The following PCDHA2 variants were observed in gnomAD, a reference collection of about 807,000 sequenced individuals.
The protein encoded by PCDHA2 is protocadherin alpha-2.
A neutral mutation model predicts 66.0 loss-of-function variants in PCDHA2; 58 were observed. The ratio of observed to expected loss-of-function variants is 0.88; its 90% CI spans 0.71 to 1.09. PCDHA2 has a LOEUF of 1.09. Ranked by LOEUF, PCDHA2 falls within the 50% of genes least tolerant of loss-of-function variation. PCDHA2 has a pLI of 0.00. For synonymous variants in PCDHA2, 634 were observed against 554.0 expected, an observed-to-expected ratio of 1.14 and a Z score of -2.03; for missense variants, 1,267 against 1,242.3, an observed-to-expected ratio of 1.02 and a Z score of -0.30.
intron 1 of PCDHA2, chr5:140,857,885 G>A: frequency 6.3e-7 from 1 of 1,597,988 alleles, no homozygotes; most frequent in Non-Finnish European, 8.6e-7. Context: ...ATTGCAGTCG[G>A]CGGCGGTTGG....
In PCDHA2 at chr5:140,967,285, G is replaced by C. The variant is rs150694611; in HGVS notation, c.2389-11664G>C. 6,229 of 1,613,054 alleles carry C rather than the reference G, an allele frequency of 3.9e-3. 11 individuals carry two copies. The highest frequency in any genetic ancestry group is 5.0e-3 in the Non-Finnish European group (5,885 of 1,179,544). On this transcript the variant is annotated intron_variant, in intron 1 of 3. Coordinates refer to ENST00000526136, the MANE Select transcript of PCDHA2 (RefSeq NM_018905.3). Reference sequence around the variant, plus strand: ...CGCGCTTTCACATAGAGAGTGCGCAGGACCCCGACGTGGGCGCCAACTCAG... The same window carrying C: ...CGCGCTTTCACATAGAGAGTGCGCACGACCCCGACGTGGGCGCCAACTCAG...
At chr5:140,839,706 G>A (rs2150300101) in intron 1 of PCDHA2, among the ~76,000 whole-genome samples, 1 of 152,134 alleles carries the variant, frequency 6.6e-6, no homozygotes, top group South Asian at 2.1e-4. Context: ...ATAATGTGAT[G>A]ACAAATTTAA....
At chr5:140,967,351 G>C in intron 1 of PCDHA2, 1 of 1,608,106 alleles carries the variant, frequency 6.2e-7, no homozygotes, top group South Asian at 1.1e-5. Context: ...ACTTCGAGCT[G>C]GACCTTAAGC....
At chr5:140,876,207 C>A (rs251377) in intron 1 of PCDHA2, 776,282 of 1,613,510 alleles carry the variant, frequency 0.48, 188,573 homozygotes, top group South Asian at 0.57. Flanking sequence ...TTGATAAGCC[C>A]AGCTATAAAG....
intron 1 of PCDHA2, chr5:140,882,431 G>A (rs374040153): frequency 1.2e-6 from 2 of 1,614,044 alleles, no homozygotes; most frequent in Non-Finnish European, 8.5e-7. Flanking sequence ...CCTGGGGCTG[G>A]AGCTGGCGGA....
chr5:140,872,973 T>C (rs1562677174), intron 1 of PCDHA2, among the ~76,000 whole-genome samples: 1 of 152,212 alleles, frequency 6.6e-6, no homozygotes, highest in African/African-American at 2.4e-5. Flanking sequence ...ATCTGAAGAT[T>C]TGAGCAAAGA....
rs1554231844 is a variant in PCDHA2, at chr5:140,969,454, A to G, written c.2389-9495A>G. On this transcript the variant is annotated intron_variant, in intron 1 of 3. Coordinates refer to ENST00000526136, the MANE Select transcript of PCDHA2 (RefSeq NM_018905.3). ...AAGAGTTATCTGGTAAACTGAGTAT[A>G]TATAGTATCCACAATTTGATCATAA... 7.9e-6 allele frequency: 12 copies of G among 1,511,706 alleles called. No individual in the cohort carries two copies. The South Asian group carries it at 9.0e-5, about 11-fold the overall frequency. The allele number at this position is 1,511,706 out of a possible 1,614,324, so 93.6% of individuals were successfully genotyped here.
chr5:140,924,754 G>T (rs1332624356), intron 1 of PCDHA2, among the ~76,000 whole-genome samples: 1 of 151,848 alleles, frequency 6.6e-6, no homozygotes, highest in African/African-American at 2.4e-5. Flanking sequence ...AATTAACCGA[G>T]CATGGTGGTG....
In PCDHA2 at chr5:140,838,075, ATAGTGTGTGTGTGTGTGT is replaced by A. The variant is rs1389630911; in HGVS notation, c.2388+40724_2388+40741del. ...GTTTTCCACTTTAAGTTATATATAT[ATAGTGTGTGTGTGTGTGT>A]GTGTGTGTGTGTGTGTGTGTGTGTG... On this transcript the variant is annotated intron_variant, in intron 1 of 3. Coordinates refer to ENST00000526136, the MANE Select transcript of PCDHA2 (RefSeq NM_018905.3). Among the ~76,000 whole-genome samples the A allele has an allele frequency of 3.2e-3, 416 of 128,230 alleles. 8 individuals are homozygous for A. The highest frequency in any genetic ancestry group is 9.2e-3 in the African/African-American group (302 of 32,656). The allele number at this position is 128,230 out of a possible 152,430, so 84.1% of individuals were successfully genotyped here.
rs1580998752 is a variant in PCDHA2 at position 140,842,398 on chromosome 5, A to G, written c.2388+45046A>G. 3.1e-6 allele frequency: 5 copies of G among 1,611,514 alleles called. No individual in the cohort carries two copies. The African/African-American group carries it at 6.7e-5, about 22-fold the overall frequency. On this transcript the variant is annotated intron_variant, in intron 1 of 3. Coordinates refer to ENST00000526136, the MANE Select transcript of PCDHA2 (RefSeq NM_018905.3). ...CACTGACTTCCTTATCCTTGCCTGTACGTGAAGACGCTCAATTTGGTACTG... is the reference window on the plus strand; with the variant it reads ...CACTGACTTCCTTATCCTTGCCTGTGCGTGAAGACGCTCAATTTGGTACTG...
intron 3 of PCDHA2, among the ~76,000 whole-genome samples, chr5:140,987,825 G>A (rs1181525478): frequency 1.3e-5 from 2 of 151,894 alleles, no homozygotes; most frequent in Admixed American, 1.3e-4. Flanking sequence ...GTTTCCTTAG[G>A]GGATTGCTTT....
In PCDHA2 at chr5:140,869,132, G is replaced by GCA. The variant is rs782288889; in HGVS notation, c.2388+71782_2388+71783dup. On this transcript the variant is annotated intron_variant, in intron 1 of 3. Transcript: ENST00000526136. ...TTTGGTTTTCAGAGAAGGGGATTGG[G>GCA]CACCCCACGACTACAGCTCTGGCTT... The GCA allele has an allele frequency of 1.9e-6, 3 of 1,612,054 alleles. No homozygotes were observed. The Admixed American group carries it at 5.0e-5, about 27-fold the overall frequency.
intron 1 of PCDHA2, chr5:140,807,132 T>A: frequency 1.3e-6 from 2 of 1,559,298 alleles, no homozygotes; most frequent in Non-Finnish European, 1.7e-6. Context: ...GATTAAAAGA[T>A]TTCCCTTGAC....
intron 1 of PCDHA2, chr5:140,928,845 T>C: frequency 6.2e-7 from 1 of 1,614,180 alleles, no homozygotes; most frequent in Non-Finnish European, 8.5e-7. Flanking sequence ...CCTCTGTCAC[T>C]CTGGGTGTGC....
chr5:140,841,362 T>A, intron 1 of PCDHA2: 1 of 1,613,494 alleles, frequency 6.2e-7, no homozygotes, highest in African/African-American at 1.3e-5. Flanking sequence ...TCCTGGCGAC[T>A]ACTACTCTTG....
intron 1 of PCDHA2, among the ~76,000 whole-genome samples, chr5:140,798,826 T>G (rs1762366543): frequency 1.3e-5 from 2 of 152,214 alleles, no homozygotes; most frequent in African/African-American, 4.8e-5. Context: ...CAAAGGCAGA[T>G]GTATTGCAAT....
intron 1 of PCDHA2, among the ~76,000 whole-genome samples, chr5:140,844,305 T>C (rs1779315965): frequency 1.3e-5 from 2 of 149,704 alleles, no homozygotes; most frequent in Non-Finnish European, 3.0e-5. Context: ...ATAGTTTTCA[T>C]ATTCTTCCTA....
intron 1 of PCDHA2, chr5:140,927,252 C>A: frequency 6.2e-7 from 1 of 1,614,134 alleles, no homozygotes; most frequent in Non-Finnish European, 8.5e-7. Flanking sequence ...CCAATGACAA[C>A]TCACCTCTCT....
intron 1 of PCDHA2, among the ~76,000 whole-genome samples, chr5:140,819,152 A>G (rs2150103234): frequency 0.013 from 1,992 of 152,322 alleles, 29 homozygotes; most frequent in Non-Finnish European, 0.023. Flanking sequence ...TAATTTTTAT[A>G]CAGAATTAAT....
Sources: gnomAD v4.1 joint callset for allele counts (sites outside exome capture counted in the v4.1 genomes callset) on GRCh38, gnomAD v4.1.1 for gene constraint, MANE v1.5 for transcripts, NCBI Gene and HGNC (gene_info 2026-07-23, HGNC 2026-07-21) for gene names.